The following CARM1 variants were observed in gnomAD, a reference collection of about 807,000 sequenced individuals.
The protein encoded by CARM1 is histone-arginine methyltransferase CARM1.
A neutral mutation model predicts 72.7 loss-of-function variants in CARM1; 14 were observed. That is an observed-to-expected ratio of 0.19 (90% CI 0.13 to 0.30). CARM1 has a LOEUF of 0.30. Ranked by LOEUF, CARM1 falls within the 10% of genes least tolerant of loss-of-function variation. The pLI, the probability that CARM1 is intolerant of heterozygous loss-of-function variation, is 1.00. For synonymous variants in CARM1, 333 were observed against 345.5 expected, an observed-to-expected ratio of 0.96 and a Z score of 0.40; for missense variants, 432 against 833.7, an observed-to-expected ratio of 0.52 and a Z score of 5.93.
Position 10,916,506 on chromosome 19 carries a change from G to C in CARM1, c.938+9G>C. ...ACCAAGGCCAACTTCTGGTGAGTGT[G>C]CCCTGGGTGTCCCGCCTGGGCCCCA... On this transcript the variant is annotated intron_variant, in intron 7 of 15. Transcript: ENST00000327064. This position sits in a 1 kb window ranked among gnomAD's most constrained non-coding sequence, Gnocchi z 4.4. 1.9e-6 allele frequency: 3 copies of C among 1,605,860 alleles called. No individual in the cohort carries two copies. The highest frequency in any genetic ancestry group is 2.6e-6 in the Non-Finnish European group (3 of 1,172,808).
rs2074174123 is a variant in CARM1 at position 10,913,874 on chromosome 19, C to T, written c.670-3C>T. On this transcript the variant is annotated splice_polypyrimidine_tract_variant and splice_region_variant and intron_variant, in intron 5 of 15. Transcript: ENST00000327064. ...AAGCCCACATGGCCCTGCCCGCCTG[C>T]AGGTCTTGGTGAAGAGTAACAACCT... 6.2e-7 allele frequency: 1 copy of T among 1,610,762 alleles called. No homozygotes were observed. Among genetic ancestry groups the T allele is most frequent in the African/African-American group, 1.3e-5 (1 of 74,868 alleles).
At chr19:10,883,599 C>A (rs547109733) in intron 1 of CARM1, among the ~76,000 whole-genome samples, 2 of 152,346 alleles carry the variant, frequency 1.3e-5, no homozygotes, top group South Asian at 4.1e-4. Flanking sequence ...GTTCCTCAGG[C>A]CGGCGTGCAG....
chr19:10,888,884 G>T (rs1311925793), intron 1 of CARM1, among the ~76,000 whole-genome samples: 1 of 152,196 alleles, frequency 6.6e-6, no homozygotes. Context: ...TCTTGGGGTT[G>T]CCCTTCGCAC....
chr19:10,888,691 C>T (rs542769981), intron 1 of CARM1, among the ~76,000 whole-genome samples: 14 of 152,298 alleles, frequency 9.2e-5, no homozygotes, highest in African/African-American at 2.2e-4. Flanking sequence ...ACTAAGCTCC[C>T]GCGCTTTCTG....
intron 1 of CARM1, among the ~76,000 whole-genome samples, chr19:10,888,461 G>C (rs35734575): frequency 0.21 from 31,670 of 152,086 alleles, 3,612 homozygotes; most frequent in Middle Eastern, 0.31. Context: ...AGGGTGGTTT[G>C]AGCACTAACC....
At chr19:10,884,038 T>A (rs1454147027) in intron 1 of CARM1, among the ~76,000 whole-genome samples, 1 of 146,876 alleles carries the variant, frequency 6.8e-6, no homozygotes, top group Non-Finnish European at 1.5e-5. Context: ...TTTCGTTTTT[T>A]GTTTTTTGTT....
chr19:10,897,260 C>T (rs546651506), intron 1 of CARM1, among the ~76,000 whole-genome samples: 1 of 152,226 alleles, frequency 6.6e-6, no homozygotes, highest in East Asian at 1.9e-4. Context: ...AGTAGATACT[C>T]CCAGAAGTGA....
chr19:10,886,809 T>A (rs2146311468), intron 1 of CARM1, among the ~76,000 whole-genome samples: 1 of 152,116 alleles, frequency 6.6e-6, no homozygotes, highest in South Asian at 2.1e-4. Context: ...CCAGCCTGGA[T>A]GATAGAATGA....
intron 1 of CARM1, among the ~76,000 whole-genome samples, chr19:10,884,317 G>A (rs1376657649): frequency 3.4e-5 from 5 of 149,048 alleles, no homozygotes; most frequent in Admixed American, 2.0e-4. Context: ...CTCCAGCCTG[G>A]TCAACAAGAG....
intron 4 of CARM1, among the ~76,000 whole-genome samples, chr19:10,909,697 A>G (rs2145228757): frequency 6.6e-6 from 1 of 152,294 alleles, no homozygotes; most frequent in East Asian, 1.9e-4. Context: ...AGATCGCGCC[A>G]CTGCACTGCA....
chr19:10,902,753 C>T (rs776487142), intron 1 of CARM1, among the ~76,000 whole-genome samples: 9 of 151,842 alleles, frequency 5.9e-5, no homozygotes, highest in Non-Finnish European at 1.2e-4. Context: ...GGACTACAGG[C>T]GCATGCCACT....
At chr19:10,888,118 A>C (rs994105896) in intron 1 of CARM1, among the ~76,000 whole-genome samples, 1 of 152,196 alleles carries the variant, frequency 6.6e-6, no homozygotes, top group African/African-American at 2.4e-5. Context: ...CTGCTGGCCT[A>C]GTCCCCATAG....
intron 6 of CARM1, among the ~76,000 whole-genome samples, chr19:10,914,633 G>A (rs1046789106): frequency 6.6e-6 from 1 of 152,160 alleles, no homozygotes; most frequent in African/African-American, 2.4e-5. Flanking sequence ...TCGGCTCACT[G>A]CAACCTGCAC....
chr19:10,897,267 G>A (rs377250094), intron 1 of CARM1, among the ~76,000 whole-genome samples: 2 of 152,178 alleles, frequency 1.3e-5, no homozygotes, highest in East Asian at 1.9e-4. Flanking sequence ...ACTCCCAGAA[G>A]TGATGAGAAG....
Position 10,871,893 on chromosome 19 carries a change from C to A in CARM1, c.191C>A (p.Pro64Gln). ...CTGCGCCTCGAGGTGCGCGCCGGCC[C>A]GGACTCGGCGGGCATCGCCCTCTAC... ...QALRLEVRAG[P>Q]DSAGIALYSH... Residue 64 changes from proline to glutamine, a missense_variant, in exon 1 of 16, where the codon CCG becomes CAG. By Grantham distance (76) the Pro-to-Gln change is moderately conservative (BLOSUM62 -1). Coordinates refer to ENST00000327064, the MANE Select transcript of CARM1 (RefSeq NM_199141.2). The surrounding 1 kb of genome is among the most constrained non-coding windows in gnomAD (Gnocchi z 5.6). The A allele has an allele frequency of 1.6e-6, 2 of 1,235,404 alleles. No homozygotes were observed. Among genetic ancestry groups the A allele is most frequent in the Non-Finnish European group, 2.0e-6 (2 of 985,872 alleles). The allele number at this position is 1,235,404 out of a possible 1,614,324, so 76.5% of individuals were successfully genotyped here.
intron 1 of CARM1, among the ~76,000 whole-genome samples, chr19:10,895,032 AC>A (rs1264200152): frequency 1.3e-5 from 2 of 152,030 alleles, no homozygotes; most frequent in Admixed American, 1.3e-4. Flanking sequence ...GGCGGGAGCC[AC>A]TGTTCCCAGC....
rs1372155409 is a variant in CARM1 at position 10,900,997 on chromosome 19, T to C, written c.221-3954T>C. 1.8e-4 allele frequency among the ~76,000 whole-genome samples: 27 copies of C among 150,840 alleles called. 1 individual carries two copies. The highest frequency in any genetic ancestry group is 4.6e-4 in the African/African-American group (19 of 41,038). Reference sequence around the variant, plus strand: ...TGCACCCGGACTTTTTTTTTTTTTTTCTGAAGCGGAGTCTCACTCTGTTGC... The same window carrying C: ...TGCACCCGGACTTTTTTTTTTTTTTCCTGAAGCGGAGTCTCACTCTGTTGC... On this transcript the variant is annotated intron_variant, in intron 1 of 15. Coordinates refer to ENST00000327064, the MANE Select transcript of CARM1 (RefSeq NM_199141.2).
intron 3 of CARM1, 80 bp from the exon 4 acceptor site, chr19:10,909,023 G>T: frequency 1.9e-6 from 2 of 1,072,988 alleles, no homozygotes; most frequent in Non-Finnish European, 1.4e-6. Context: ...ATGGCCCCTT[G>T]CTCTATCACA....
rs2074192125 is a variant in CARM1 at position 10,915,903 on chromosome 19, C to T, written c.848-504C>T. Among the ~76,000 whole-genome samples, 1 of 152,186 alleles carries T rather than the reference C, an allele frequency of 6.6e-6. No homozygotes were observed. The highest frequency in any genetic ancestry group is 1.9e-4 in the East Asian group (1 of 5,194). On this transcript the variant is annotated intron_variant, in intron 6 of 15. Coordinates refer to ENST00000327064, the MANE Select transcript of CARM1 (RefSeq NM_199141.2). This position sits in a 1 kb window ranked among gnomAD's most constrained non-coding sequence, Gnocchi z 4.6. The stretch of plus-strand genomic sequence containing the variant: ...GCCGGCTGGGTGCCTGTGCCAGAAC[C>T]TAGGCAGTCCCTGTGGTGTGGATTT...
Sources: gnomAD v4.1 joint callset for allele counts (sites outside exome capture counted in the v4.1 genomes callset) on GRCh38, gnomAD v4.1.1 for gene constraint, Gnocchi (gnomAD v3.1) non-coding constraint, MANE v1.5 for transcripts, NCBI Gene and HGNC (gene_info 2026-07-23, HGNC 2026-07-21) for gene names.